The following CSMD1 variants were observed in gnomAD, a reference collection of about 807,000 sequenced individuals.
The protein encoded by CSMD1 is CUB and sushi domain-containing protein 1.
A neutral mutation model predicts 417.5 loss-of-function variants in CSMD1; 213 were observed. The ratio of observed to expected loss-of-function variants is 0.51; its 90% CI spans 0.46 to 0.57. The LOEUF (loss-of-function observed/expected upper bound fraction) is 0.57. CSMD1 is among the 20% of genes least tolerant of loss of function. The pLI is 0.00. For synonymous variants in CSMD1, 2,862 were observed against 1,736.8 expected, an observed-to-expected ratio of 1.65 and a Z score of -16.11; for missense variants, 6,923 against 4,529.7, an observed-to-expected ratio of 1.53 and a Z score of -15.17.
At chr8:3,409,646 A>G (rs1339918056) in intron 12 of CSMD1, 41 bp from the exon 13 acceptor site, 2 of 1,462,184 alleles carry the variant, frequency 1.4e-6, no homozygotes, top group African/African-American at 2.8e-5. Flanking sequence ...AAAAACACAC[A>G]CAAGGAATAT....
At chr8:3,644,407 G>A (rs1024030624) in intron 7 of CSMD1, among the ~76,000 whole-genome samples, 9 of 152,170 alleles carry the variant, frequency 5.9e-5, no homozygotes, top group Non-Finnish European at 7.3e-5. Context: ...TGGAAGCCTC[G>A]CATTTACAGT....
intron 5 of CSMD1, among the ~76,000 whole-genome samples, chr8:3,953,632 T>A (rs994943624): frequency 2.0e-5 from 3 of 152,056 alleles, no homozygotes; most frequent in African/African-American, 7.2e-5. Flanking sequence ...GTTTCTATGT[T>A]AGGTGCCTCA....
chr8:4,512,243 G>C (rs190847959), intron 2 of CSMD1, among the ~76,000 whole-genome samples: 245 of 152,224 alleles, frequency 1.6e-3, no homozygotes, highest in African/African-American at 4.6e-3. Context: ...ACATATTTAT[G>C]ATTCAAAAAA....
Position 3,930,624 on chromosome 8 carries a change from T to A in CSMD1, c.818+67279A>T, listed in dbSNP as rs995139373. Among the ~76,000 whole-genome samples, 6 of 150,126 alleles carry A rather than the reference T, an allele frequency of 4.0e-5. 1 individual carries two copies. Among genetic ancestry groups the A allele is most frequent in the African/African-American group, 1.5e-4 (6 of 40,622 alleles). ...GGGACACAGCAGTAGGGTGGCCGTG[T>A]CAGGTTATAAGTGACCCTGTCTCCT... On this transcript the variant is annotated intron_variant, in intron 5 of 69. Transcript: ENST00000635120.
chr8:4,702,497 A>G (rs141179965), intron 1 of CSMD1, among the ~76,000 whole-genome samples: 113 of 152,344 alleles, frequency 7.4e-4, no homozygotes, highest in African/African-American at 2.7e-3. Context: ...GCTGTTTTTA[A>G]TAACAGGGAA....
At position 4,088,674 on chromosome 8, in the gene CSMD1, G is replaced by C. The variant is rs1044580254; in HGVS notation, c.416-56575C>G. Among the ~76,000 whole-genome samples, 21 of 152,152 alleles carry C rather than the reference G, an allele frequency of 1.4e-4. No individual in the cohort carries two copies. In the East Asian group the frequency reaches 4.1e-3, roughly 29 times the overall value. ...CATTGTCTTCATGTTTTCACCTTCAGCTCATTCCTCAGTTCATTGCAATCA... is the reference window on the plus strand; with the variant it reads ...CATTGTCTTCATGTTTTCACCTTCACCTCATTCCTCAGTTCATTGCAATCA... On this transcript the variant is annotated intron_variant, in intron 3 of 69. Coordinates refer to ENST00000635120, the MANE Select transcript of CSMD1 (RefSeq NM_033225.6).
chr8:4,526,751 A>G (rs12675479), intron 2 of CSMD1, among the ~76,000 whole-genome samples: 53,714 of 152,110 alleles, frequency 0.35, 10,719 homozygotes, highest in Non-Finnish European at 0.45. Flanking sequence ...ATAACAGGTT[A>G]CGTTAGCAGG....
chr8:3,215,184 C>T (rs1367003915), intron 29 of CSMD1, among the ~76,000 whole-genome samples: 1 of 152,170 alleles, frequency 6.6e-6, no homozygotes, highest in Admixed American at 6.6e-5. Flanking sequence ...AGAGCACTTT[C>T]TTATACGAAT....
At chr8:4,532,022 G>C (rs13277662) in intron 2 of CSMD1, among the ~76,000 whole-genome samples, 1 of 109,424 alleles carries the variant, frequency 9.1e-6, no homozygotes, top group African/African-American at 2.7e-5. Flanking sequence ...CTCCGGAAGA[G>C]AAATCCTGCA....
chr8:3,547,615 C>A (rs886825576), intron 10 of CSMD1, among the ~76,000 whole-genome samples: 1 of 152,040 alleles, frequency 6.6e-6, no homozygotes, highest in Non-Finnish European at 1.5e-5. Context: ...ATTAAGTTTA[C>A]TATTTTGTAT....
intron 39 of CSMD1, among the ~76,000 whole-genome samples, chr8:3,154,828 G>C (rs912921715): frequency 2.8e-4 from 42 of 152,098 alleles, no homozygotes; most frequent in African/African-American, 1.0e-3. Context: ...TTCAAAATTA[G>C]GTCATGGGAT....
intron 5 of CSMD1, among the ~76,000 whole-genome samples, chr8:3,905,751 G>A (rs534697982): frequency 2.9e-4 from 44 of 152,080 alleles, no homozygotes; most frequent in Non-Finnish European, 6.2e-4. Flanking sequence ...TCTTAAAATT[G>A]GATGCTCATC....
intron 2 of CSMD1, among the ~76,000 whole-genome samples, chr8:4,505,023 G>A (rs554773054): frequency 6.6e-6 from 1 of 152,088 alleles, no homozygotes; most frequent in African/African-American, 2.4e-5. Flanking sequence ...GTGTCAAATG[G>A]TATTTCTGTT....
intron 5 of CSMD1, among the ~76,000 whole-genome samples, chr8:3,888,585 T>C (rs553010264): frequency 3.0e-4 from 45 of 152,302 alleles, no homozygotes; most frequent in African/African-American, 9.4e-4. Flanking sequence ...GAGCTAATAA[T>C]GGCCCAGCTG....
At chr8:4,621,111 T>A (rs1359116738) in intron 2 of CSMD1, among the ~76,000 whole-genome samples, 2 of 152,102 alleles carry the variant, frequency 1.3e-5, no homozygotes, top group African/African-American at 4.8e-5. Context: ...TTATCTGAAA[T>A]TCTTAGGACC....
intron 1 of CSMD1, among the ~76,000 whole-genome samples, chr8:4,956,656 C>A (rs1809133943): frequency 6.6e-6 from 1 of 151,694 alleles, no homozygotes; most frequent in African/African-American, 2.4e-5. Context: ...AAATATGAAA[C>A]TTTCAGAAAA....
intron 14 of CSMD1, among the ~76,000 whole-genome samples, 175 bp from the exon 15 acceptor site, chr8:3,406,396 G>A (rs746944675): frequency 8.5e-5 from 13 of 152,142 alleles, no homozygotes; most frequent in Non-Finnish European, 1.6e-4. Context: ...GGATATCAGT[G>A]TCTAGTGAGA....
At chr8:4,362,657 G>A (rs1584958151) in intron 3 of CSMD1, among the ~76,000 whole-genome samples, 1 of 152,176 alleles carries the variant, frequency 6.6e-6, no homozygotes. Flanking sequence ...CCTCAAGAAG[G>A]AAAGGACAGT....
chr8:3,962,809 T>A (rs1431955754), intron 5 of CSMD1, among the ~76,000 whole-genome samples: 2 of 152,210 alleles, frequency 1.3e-5, no homozygotes, highest in Non-Finnish European at 2.9e-5. Context: ...TTGAGGGCAA[T>A]AAGTTTCTTT....
Sources: gnomAD v4.1 joint callset for allele counts (sites outside exome capture counted in the v4.1 genomes callset) on GRCh38, gnomAD v4.1.1 for gene constraint, MANE v1.5 for transcripts, NCBI Gene and HGNC (gene_info 2026-07-23, HGNC 2026-07-21) for gene names.